RIPK1: variants seen among roughly 807,000 people sequenced by gnomAD.
RIPK1 encodes receptor-interacting serine/threonine-protein kinase 1.
RIPK1 carries 27 observed loss-of-function variants against 62.4 expected under a neutral mutation model. That is an observed-to-expected ratio of 0.43 (90% CI 0.32 to 0.60). The LOEUF (loss-of-function observed/expected upper bound fraction) is 0.60. Ranked by LOEUF, RIPK1 falls within the 20% of genes least tolerant of loss-of-function variation. The pLI, the probability that RIPK1 is intolerant of heterozygous loss-of-function variation, is 0.07. For synonymous variants in RIPK1, 287 were observed against 303.2 expected (o/e 0.95, Z 0.55); for missense variants, 735 against 831.0 (o/e 0.88, Z 1.42).
upstream of RIPK1, among the ~76,000 whole-genome samples, chr6:3,064,749 G>A (rs9328140): frequency 0.82 from 125,419 of 152,110 alleles, 51,951 homozygotes; most frequent in Non-Finnish European, 0.85. Context: ...CGTGATGGAC[G>A]TGGGGCCTTC....
intron 7 of RIPK1, among the ~76,000 whole-genome samples, chr6:3,100,053 C>T (rs1760514623): frequency 6.6e-6 from 1 of 152,144 alleles, no homozygotes; most frequent in South Asian, 2.1e-4. Flanking sequence ...ATAGAAAGAT[C>T]TTCAAGATTA....
intron 7 of RIPK1, among the ~76,000 whole-genome samples, chr6:3,094,728 A>AT (rs779152833): frequency 1.3e-5 from 2 of 152,026 alleles, no homozygotes; most frequent in African/African-American, 4.8e-5. Context: ...CTAACAGCGG[A>AT]TCAAAAAATC....
At chr6:3,097,406 T>G (rs1280446717) in intron 7 of RIPK1, among the ~76,000 whole-genome samples, 3 of 152,208 alleles carry the variant, frequency 2.0e-5, no homozygotes, top group Non-Finnish European at 4.4e-5. Context: ...GGACAGATAC[T>G]GTTGGAATGG....
At chr6:3,095,515 A>G (rs1760243703) in intron 7 of RIPK1, among the ~76,000 whole-genome samples, 1 of 152,238 alleles carries the variant, frequency 6.6e-6, no homozygotes, top group African/African-American at 2.4e-5. Flanking sequence ...TTACAGACCA[A>G]TCTTGTTTAA....
intron 10 of RIPK1, among the ~76,000 whole-genome samples, chr6:3,112,223 G>T (rs1761198423): frequency 1.3e-5 from 2 of 152,140 alleles, no homozygotes; most frequent in African/African-American, 2.4e-5. Context: ...GACAAGGAAG[G>T]CTTTGTAACT....
chr6:3,083,784 G>T (rs1390852996), intron 5 of RIPK1, among the ~76,000 whole-genome samples: 1 of 152,078 alleles, frequency 6.6e-6, no homozygotes, highest in East Asian at 1.9e-4. Context: ...ATGGTTTGAT[G>T]ATCATCTCTT....
chr6:3,114,449 CTAGAA>C lies in RIPK1; in HGVS notation c.*1116_*1120del, dbSNP rs986682506. ...TGAAACCTGGGGGTGGATGAAAGAA[CTAGAA>C]TAGAAGACTGAAGCTGGGTAGGCCG... On this transcript the variant is annotated 3_prime_UTR_variant, in exon 11 of 11. Transcript: ENST00000259808. The surrounding 1 kb of genome is among the most constrained non-coding windows in gnomAD (Gnocchi z 5.0). 2.6e-5 allele frequency: 4 copies of C among 152,208 alleles called. No homozygotes were observed. Among genetic ancestry groups the C allele is most frequent in the African/African-American group, 9.7e-5 (4 of 41,438 alleles). The allele number at this position is 152,208 out of a possible 1,614,324, so 9.4% of individuals were successfully genotyped here.
rs1759625635 is a variant in RIPK1, at chr6:3,085,239, A to G, written c.689-20A>G. 6.2e-7 allele frequency: 1 copy of G among 1,613,786 alleles called. No homozygotes were observed. Among genetic ancestry groups the G allele is most frequent in the Non-Finnish European group, 8.5e-7 (1 of 1,179,916 alleles). Reference sequence around the variant, plus strand: ...GCCTGAGAGAGGAGCAAGACCTGAAAGAAAGTCTTTGCTTTGTAGATGCTA... The same window carrying G: ...GCCTGAGAGAGGAGCAAGACCTGAAGGAAAGTCTTTGCTTTGTAGATGCTA... On this transcript the variant is annotated intron_variant, in intron 5 of 10. Transcript: ENST00000259808.
Position 3,074,141 on chromosome 6 carries a change from G to A in RIPK1, c.-60-2623G>A, listed in dbSNP as rs114846846. ...GCGTATGCCTGCAACCCTAGCCCCC[G>A]TTGATATCCTACAACATTATCATCA... On this transcript the variant is annotated intron_variant, in intron 1 of 10. Coordinates refer to ENST00000259808, the MANE Select transcript of RIPK1 (RefSeq NM_001354930.2). Among the ~76,000 whole-genome samples, 529 of 152,262 alleles carry A rather than the reference G, an allele frequency of 3.5e-3. 3 individuals carry two copies. Among genetic ancestry groups the A allele is most frequent in the African/African-American group, 0.012 (488 of 41,562 alleles).
intron 3 of RIPK1, among the ~76,000 whole-genome samples, chr6:3,079,891 A>G (rs950913193): frequency 2.2e-4 from 33 of 152,186 alleles, no homozygotes; most frequent in Non-Finnish European, 4.4e-5. Context: ...TTCTGAGATG[A>G]GAGAGAAATC....
chr6:3,113,216 G>A lies in RIPK1; in HGVS notation c.1893G>A (p.Met631Ile), dbSNP rs768869095. 3.1e-6 allele frequency: 5 copies of A among 1,613,960 alleles called. No homozygotes were observed. The African/African-American group carries it at 5.3e-5, about 17-fold the overall frequency. Residue 631 changes from methionine to isoleucine, a missense_variant, in exon 11 of 11, where the codon ATG becomes ATA. Met to Ile is a conservative substitution (Grantham distance 10). Coordinates refer to ENST00000259808, the MANE Select transcript of RIPK1 (RefSeq NM_001354930.2). The surrounding 1 kb of genome is among the most constrained non-coding windows in gnomAD (Gnocchi z 5.0). ...RDGLKEKVYQ[M>I]LQKWVMREGI... Reference sequence around the variant, plus strand: ...GACTGAAAGAAAAGGTTTACCAGATGCTCCAAAAGTGGGTGATGAGGGAAG... The same window carrying A: ...GACTGAAAGAAAAGGTTTACCAGATACTCCAAAAGTGGGTGATGAGGGAAG...
intron 1 of RIPK1, among the ~76,000 whole-genome samples, chr6:3,073,032 CAT>C (rs1177474561): frequency 5.9e-5 from 9 of 152,158 alleles, no homozygotes; most frequent in Non-Finnish European, 7.3e-5. Context: ...TGGATAAACA[CAT>C]GTGGGCGGCT....
intron 9 of RIPK1, among the ~76,000 whole-genome samples, 198 bp downstream of exon 9, chr6:3,106,249 T>C (rs1760844287): frequency 6.6e-6 from 1 of 152,164 alleles, no homozygotes; most frequent in South Asian, 2.1e-4. Context: ...CTAGGATTCA[T>C]CACAGATGCC....
chr6:3,068,241 G>C (rs1471280455), upstream of RIPK1: 1 of 985,364 alleles, frequency 1.0e-6, no homozygotes, highest in East Asian at 1.1e-4. Context: ...TGAATCCTCC[G>C]GATAGCGCCC....
intron 9 of RIPK1, among the ~76,000 whole-genome samples, chr6:3,107,562 CAAAAAAAA>C (rs60843872): frequency 9.5e-4 from 44 of 46,312 alleles, no homozygotes; most frequent in African/African-American, 2.8e-3. Flanking sequence ...GAGACTGTCG[CAAAAAAAA>C]AAAAAAAAAA....
intron 7 of RIPK1, among the ~76,000 whole-genome samples, chr6:3,099,537 C>T (rs1356010200): frequency 6.6e-6 from 1 of 152,124 alleles, no homozygotes; most frequent in Non-Finnish European, 1.5e-5. Flanking sequence ...AAGTGAGACT[C>T]CGTCTCAAAA....
At chr6:3,104,612 G>A (rs1760743759) in intron 8 of RIPK1, among the ~76,000 whole-genome samples, 1 of 152,116 alleles carries the variant, frequency 6.6e-6, no homozygotes, top group African/African-American at 2.4e-5. Flanking sequence ...AGTCCCTGAG[G>A]AGCTCGGAGT....
intron 9 of RIPK1, among the ~76,000 whole-genome samples, chr6:3,109,516 G>A (rs1187601389): frequency 1.3e-5 from 2 of 152,148 alleles, no homozygotes; most frequent in South Asian, 2.1e-4. Context: ...GGTAAAGGAG[G>A]AGGACCCTTC....
At chr6:3,089,311 T>C (rs957329153) in intron 6 of RIPK1, among the ~76,000 whole-genome samples, 14 of 152,230 alleles carry the variant, frequency 9.2e-5, no homozygotes, top group African/African-American at 3.4e-4. Flanking sequence ...GAGCAGTTTG[T>C]GTTGCAGCCA....
Sources: allele counts gnomAD v4.1 joint callset (sites outside exome capture counted in the v4.1 genomes callset), GRCh38; gene constraint gnomAD v4.1.1; non-coding constraint Gnocchi (gnomAD v3.1); transcripts MANE v1.5; gene names NCBI Gene and HGNC (gene_info 2026-07-23, HGNC 2026-07-21).